TIAM1: variants seen among roughly 807,000 people sequenced by gnomAD.
TIAM1 encodes the protein TIAM Rac1 associated GEF 1.
A neutral mutation model predicts 163.5 loss-of-function variants in TIAM1; 65 were observed. The observed-to-expected ratio is 0.40, with a 90% CI of 0.33 to 0.49. The LOEUF (loss-of-function observed/expected upper bound fraction) is 0.49. TIAM1 is among the 20% of genes least tolerant of loss of function. TIAM1 has a pLI of 0.77. For missense variants in TIAM1, 1,789 were observed against 2,044.7 expected, an observed-to-expected ratio of 0.87 and a Z score of 2.41; for synonymous variants, 833 against 810.1, an observed-to-expected ratio of 1.03 and a Z score of -0.48.
intron 1 of TIAM1, among the ~76,000 whole-genome samples, chr21:31,536,520 C>T (rs984491511): frequency 2.6e-5 from 4 of 152,370 alleles, no homozygotes; most frequent in Admixed American, 6.5e-5. Context: ...TTCAAACTCT[C>T]ACCCGATACT....
intron 6 of TIAM1, among the ~76,000 whole-genome samples, chr21:31,235,086 T>C (rs1012691550): frequency 6.6e-6 from 1 of 152,162 alleles, no homozygotes; most frequent in Admixed American, 6.5e-5. Flanking sequence ...CTGGTAATTC[T>C]ACAGAGGCTG....
At chr21:31,532,929 A>C (rs1450439589) in intron 1 of TIAM1, among the ~76,000 whole-genome samples, 1 of 152,076 alleles carries the variant, frequency 6.6e-6, no homozygotes, top group Non-Finnish European at 1.5e-5. Flanking sequence ...CTGGGCAACA[A>C]AGAGAAAAAA....
intron 2 of TIAM1, among the ~76,000 whole-genome samples, chr21:31,450,479 G>A (rs954465655): frequency 6.6e-6 from 1 of 152,060 alleles, no homozygotes. Context: ...CTTTCTCTCT[G>A]CACATTGCTT....
At chr21:31,442,429 C>T (rs1416667837) in intron 2 of TIAM1, among the ~76,000 whole-genome samples, 1 of 151,874 alleles carries the variant, frequency 6.6e-6, no homozygotes, top group African/African-American at 2.4e-5. Context: ...GACAGGGTTT[C>T]ACCATGTTGG....
chr21:31,482,434 G>A (rs966799260), intron 1 of TIAM1, among the ~76,000 whole-genome samples: 5 of 152,230 alleles, frequency 3.3e-5, no homozygotes, highest in African/African-American at 7.2e-5. Context: ...TTACAGGCAC[G>A]CACCTGGCCC....
chr21:31,409,000 C>T (rs544997748), intron 2 of TIAM1, among the ~76,000 whole-genome samples: 6 of 152,142 alleles, frequency 3.9e-5, no homozygotes, highest in Admixed American at 6.5e-5. Context: ...CATGCCCCCC[C>T]CTCCAGGCTT....
chr21:31,338,664 A>T (rs1662329159), intron 2 of TIAM1, among the ~76,000 whole-genome samples: 1 of 152,054 alleles, frequency 6.6e-6, no homozygotes, highest in Admixed American at 6.6e-5. Context: ...TTTGCAGCAT[A>T]TTTCTTCTCT....
chr21:31,287,683 C>T (rs1312901836), intron 2 of TIAM1, among the ~76,000 whole-genome samples: 3 of 152,284 alleles, frequency 2.0e-5, no homozygotes, highest in African/African-American at 7.2e-5. Flanking sequence ...ATGAAAGTAT[C>T]ATTAGCCCAA....
chr21:31,237,065 A>G (rs565997876), intron 6 of TIAM1, among the ~76,000 whole-genome samples: 2 of 152,322 alleles, frequency 1.3e-5, no homozygotes, highest in East Asian at 3.9e-4. Context: ...ATGATGAAGA[A>G]CTTTCTAGGA....
chr21:31,432,617 A>G (rs1325092962), intron 2 of TIAM1, among the ~76,000 whole-genome samples: 2 of 152,236 alleles, frequency 1.3e-5, no homozygotes, highest in Non-Finnish European at 2.9e-5. Flanking sequence ...TAAAGACTGG[A>G]AAGATGCGGC....
intron 1 of TIAM1, among the ~76,000 whole-genome samples, chr21:31,510,098 G>A: frequency 6.6e-6 from 1 of 150,394 alleles, no homozygotes; most frequent in South Asian, 2.1e-4. Context: ...ACCCGTAAAT[G>A]TAACTGCATC....
intron 2 of TIAM1, among the ~76,000 whole-genome samples, chr21:31,442,855 A>G (rs1206341600): frequency 1.3e-5 from 2 of 152,208 alleles, no homozygotes; most frequent in Non-Finnish European, 2.9e-5. Context: ...TTTAGAAAGA[A>G]AAATAAGCTG....
chr21:31,296,373 T>C (rs1458112538), intron 2 of TIAM1, among the ~76,000 whole-genome samples: 1 of 152,168 alleles, frequency 6.6e-6, no homozygotes, highest in African/African-American at 2.4e-5. Context: ...TTCGACTATT[T>C]ATATGTGAAG....
chr21:31,123,490 A>G (rs1015927122), intron 27 of TIAM1, among the ~76,000 whole-genome samples: 1 of 152,216 alleles, frequency 6.6e-6, no homozygotes, highest in Non-Finnish European at 1.5e-5. Context: ...AACATTTATC[A>G]ATTGATTGGA....
At chr21:31,523,658 T>C (rs1221108934) in intron 1 of TIAM1, among the ~76,000 whole-genome samples, 1 of 152,138 alleles carries the variant, frequency 6.6e-6, no homozygotes, top group African/African-American at 2.4e-5. Context: ...GCAAGATGGC[T>C]CACCCCTGTG....
At chr21:31,210,663 AAGAAAAAGAAAGAAAGAAAGAAAAAG>A (rs1182496561) in intron 10 of TIAM1, among the ~76,000 whole-genome samples, 149 of 19,940 alleles carry the variant, frequency 7.5e-3, no homozygotes, top group Non-Finnish European at 0.013. Context: ...GAAAGAAAGA[AAGAAAAAGAAAGAAAGAAAGAAAAAG>A]AAAGAAAGAA....
At chr21:31,404,092 T>C (rs1283642735) in intron 2 of TIAM1, among the ~76,000 whole-genome samples, 2 of 152,172 alleles carry the variant, frequency 1.3e-5, no homozygotes, top group East Asian at 3.9e-4. Context: ...AGTCCATACC[T>C]TTTATCTGAT....
At chr21:31,237,714 T>C (rs1344766344) in intron 6 of TIAM1, among the ~76,000 whole-genome samples, 1 of 152,222 alleles carries the variant, frequency 6.6e-6, no homozygotes, top group Non-Finnish European at 1.5e-5. Context: ...GATATATAAC[T>C]GCATATGATT....
chr21:31,402,855 G>A (rs1266617617), intron 2 of TIAM1, among the ~76,000 whole-genome samples: 3 of 152,226 alleles, frequency 2.0e-5, no homozygotes, highest in Middle Eastern at 3.4e-3. Flanking sequence ...GGAAGGCTGA[G>A]GCAGGAGAAT....
Sources: allele counts gnomAD v4.1 joint callset (sites outside exome capture counted in the v4.1 genomes callset), GRCh38; gene constraint gnomAD v4.1.1; transcripts MANE v1.5; gene names NCBI Gene and HGNC (gene_info 2026-07-23, HGNC 2026-07-21).